Variants in ERBB4 observed in about 807,000 individuals in gnomAD.
ERBB4 encodes erb-b2 receptor tyrosine kinase 4, also known as receptor tyrosine-protein kinase erbB-4.
In ERBB4, 42 loss-of-function variants were observed where a neutral mutation model predicts 158.0. The observed-to-expected ratio is 0.27, with a 90% CI of 0.21 to 0.34. ERBB4 has a LOEUF of 0.34. Among genes scored for constraint, ERBB4 ranks in the 10% least tolerant of loss-of-function variants. The pLI, the probability that ERBB4 is intolerant of heterozygous loss-of-function variation, is 1.00. For synonymous variants in ERBB4, 583 were observed against 558.7 expected (o/e 1.04, Z -0.61); for missense variants, 1,333 against 1,624.1 (o/e 0.82, Z 3.08).
intron 1 of ERBB4, among the ~76,000 whole-genome samples, chr2:212,492,049 C>T (rs1388446640): frequency 6.6e-6 from 1 of 151,308 alleles, no homozygotes; most frequent in Non-Finnish European, 1.5e-5. Flanking sequence ...AGATATTTTG[C>T]CAGGAGGATT....
chr2:212,406,056 A>G (rs911941124), intron 1 of ERBB4, among the ~76,000 whole-genome samples: 2 of 152,056 alleles, frequency 1.3e-5, no homozygotes, highest in African/African-American at 4.8e-5. Context: ...AACCTCCTAA[A>G]CCTACATTTC....
intron 1 of ERBB4, among the ~76,000 whole-genome samples, chr2:212,131,582 CAAAG>C (rs911407214): frequency 1.9e-4 from 29 of 152,206 alleles, no homozygotes; most frequent in Admixed American, 6.5e-4. Flanking sequence ...AATCAACAGG[CAAAG>C]AAAGGAATTG....
intron 25 of ERBB4, 60 bp from the exon 26 acceptor site, chr2:211,388,052 TAAAAA>T: frequency 7.7e-7 from 1 of 1,303,956 alleles, no homozygotes; most frequent in Non-Finnish European, 1.1e-6. Context: ...ATGAAAAAAT[TAAAAA>T]AAGAAACGAA....
chr2:211,708,527 T>A (rs973679710), intron 9 of ERBB4, among the ~76,000 whole-genome samples: 2 of 152,060 alleles, frequency 1.3e-5, no homozygotes, highest in Non-Finnish European at 2.9e-5. Context: ...AAACTAGACA[T>A]AGGCACTGTG....
intron 1 of ERBB4, among the ~76,000 whole-genome samples, chr2:212,279,443 T>C (rs2085669148): frequency 6.6e-6 from 1 of 151,566 alleles, no homozygotes; most frequent in Admixed American, 6.6e-5. Context: ...ATATTCATAA[T>C]TCCATAACTT....
chr2:212,462,920 C>T (rs1688647356), intron 1 of ERBB4, among the ~76,000 whole-genome samples: 1 of 151,928 alleles, frequency 6.6e-6, no homozygotes. Flanking sequence ...TACTCTTCAG[C>T]CATAAAAAAG....
chr2:211,914,554 C>T (rs2079635021), intron 3 of ERBB4, among the ~76,000 whole-genome samples: 1 of 152,020 alleles, frequency 6.6e-6, no homozygotes, highest in African/African-American at 2.4e-5. Context: ...ATAAATCAGG[C>T]ATATTACCTC....
intron 2 of ERBB4, among the ~76,000 whole-genome samples, chr2:211,981,235 G>A (rs1309597714): frequency 6.6e-6 from 1 of 152,074 alleles, no homozygotes. Flanking sequence ...CGTGCTAGCA[G>A]TTTCATCTGG....
At chr2:212,459,477 T>C (rs1688464690) in intron 1 of ERBB4, among the ~76,000 whole-genome samples, 1 of 152,136 alleles carries the variant, frequency 6.6e-6, no homozygotes, top group Non-Finnish European at 1.5e-5. Context: ...AGACATACCA[T>C]ATTCATGAAT....
At chr2:212,413,131 CTAATT>C (rs2091547950) in intron 1 of ERBB4, among the ~76,000 whole-genome samples, 1 of 133,908 alleles carries the variant, frequency 7.5e-6, no homozygotes, top group African/African-American at 2.8e-5. Context: ...CCATGCGTGG[CTAATT>C]TTTTTTTTTT....
chr2:211,381,889 C>A lies in ERBB4; in HGVS notation c.*1726G>T, dbSNP rs941280228. On this transcript the variant is annotated 3_prime_UTR_variant, in exon 28 of 28. Transcript: ENST00000342788. ...ATTTTCAGAAAAGGGCGACTTATAT[C>A]TAAGTTTCCTAATTATTGATGTGAG... is the stretch of plus-strand genomic sequence containing the variant. The A allele has an allele frequency of 4.4e-6, 1 of 229,066 alleles. No individual in the cohort carries two copies. Among genetic ancestry groups the A allele is most frequent in the African/African-American group, 2.2e-5 (1 of 45,090 alleles). The allele number at this position is 229,066 out of a possible 1,614,324, so 14.2% of individuals were successfully genotyped here. A position where few individuals can be genotyped will look rare whatever the true frequency, so the allele number is the denominator to read the frequency against.
At chr2:212,411,498 AAGGGGATG>A (rs941183221) in intron 1 of ERBB4, among the ~76,000 whole-genome samples, 3 of 152,174 alleles carry the variant, frequency 2.0e-5, no homozygotes, top group African/African-American at 7.2e-5. Context: ...TGCTACCAGG[AAGGGGATG>A]TGACAGCTTT....
At chr2:211,840,722 C>G (rs562760384) in intron 3 of ERBB4, among the ~76,000 whole-genome samples, 1 of 151,970 alleles carries the variant, frequency 6.6e-6, no homozygotes, top group Non-Finnish European at 1.5e-5. Context: ...AAGAAGTTGA[C>G]AGAAATTCAA....
chr2:212,247,034 T>C (rs934815266), intron 1 of ERBB4, among the ~76,000 whole-genome samples: 1 of 152,142 alleles, frequency 6.6e-6, no homozygotes, highest in Admixed American at 6.6e-5. Context: ...GTTGATTAAA[T>C]TGATAACCAA....
intron 2 of ERBB4, among the ~76,000 whole-genome samples, chr2:212,115,034 C>T (rs1258321441): frequency 2.0e-5 from 3 of 152,068 alleles, no homozygotes; most frequent in Admixed American, 6.5e-5. Context: ...TTTACTTTAA[C>T]ATTCAATTAC....
At chr2:211,535,249 G>A (rs2049158) in intron 20 of ERBB4, among the ~76,000 whole-genome samples, 43,439 of 151,950 alleles carry the variant, frequency 0.29, 7,514 homozygotes, top group East Asian at 0.64. Flanking sequence ...ATACTTTGCT[G>A]TTGGTAAAAT....
chr2:212,396,288 A>G (rs1345285632), intron 1 of ERBB4, among the ~76,000 whole-genome samples: 1 of 152,162 alleles, frequency 6.6e-6, no homozygotes, highest in African/African-American at 2.4e-5. Flanking sequence ...GAATGAATCC[A>G]GAGATGATCC....
intron 13 of ERBB4, among the ~76,000 whole-genome samples, chr2:211,676,423 C>T (rs2072073093): frequency 6.6e-6 from 1 of 152,018 alleles, no homozygotes; most frequent in South Asian, 2.1e-4. Context: ...CCTCAGGAAA[C>T]CTGTATTTTT....
chr2:212,354,722 C>G (rs1413849686), intron 1 of ERBB4, among the ~76,000 whole-genome samples: 1 of 152,062 alleles, frequency 6.6e-6, no homozygotes, highest in African/African-American at 2.4e-5. Context: ...CAGACCCTTT[C>G]ATGGTAGCTT....
Sources: allele counts gnomAD v4.1 joint callset (sites outside exome capture counted in the v4.1 genomes callset), GRCh38; gene constraint gnomAD v4.1.1; transcripts MANE v1.5; gene names NCBI Gene and HGNC (gene_info 2026-07-23, HGNC 2026-07-21).